Variants in TMC1 observed in about 807,000 individuals in gnomAD.
TMC1 encodes transmembrane channel-like protein 1.
A neutral mutation model predicts 105.8 loss-of-function variants in TMC1; 84 were observed. That is an observed-to-expected ratio of 0.79 (90% CI 0.67 to 0.95). The LOEUF is 0.95. TMC1 is among the 40% of genes least tolerant of loss of function. The pLI, the probability that TMC1 is intolerant of heterozygous loss-of-function variation, is 0.00. For synonymous variants in TMC1, 315 were observed against 311.5 expected, an observed-to-expected ratio of 1.01 and a Z score of -0.12; for missense variants, 817 against 914.1, an observed-to-expected ratio of 0.89 and a Z score of 1.37.
chr9:72,630,166 T>G (rs552500683), intron 4 of TMC1, among the ~76,000 whole-genome samples: 65 of 152,100 alleles, frequency 4.3e-4, no homozygotes, highest in Non-Finnish European at 7.8e-4. Flanking sequence ...ACGCCTGGCC[T>G]GGGGTGTCCA....
At chr9:72,595,673 C>CTT (rs71357596) in intron 2 of TMC1, among the ~76,000 whole-genome samples, 14 of 124,080 alleles carry the variant, frequency 1.1e-4, no homozygotes, top group South Asian at 5.2e-4. Context: ...CAACTCTCAA[C>CTT]TTTTTTTTTT....
At chr9:72,621,630 C>T (rs1190131483) in intron 3 of TMC1, among the ~76,000 whole-genome samples, 1 of 152,058 alleles carries the variant, frequency 6.6e-6, no homozygotes, top group African/African-American at 2.4e-5. Flanking sequence ...AAAGGCTGTA[C>T]AGCAAATGAG....
At chr9:72,678,654 T>C (rs751527463) in intron 5 of TMC1, among the ~76,000 whole-genome samples, 8 of 152,066 alleles carry the variant, frequency 5.3e-5, no homozygotes, top group Non-Finnish European at 8.8e-5. Flanking sequence ...AGTATGTATA[T>C]ATATATTCTC....
chr9:72,638,841 C>T (rs1320419052), intron 4 of TMC1, among the ~76,000 whole-genome samples: 2 of 152,184 alleles, frequency 1.3e-5, no homozygotes, highest in Admixed American at 1.3e-4. Context: ...AGAAAACATG[C>T]TGCTTTATCT....
chr9:72,682,616 A>G (rs867129707), intron 5 of TMC1, among the ~76,000 whole-genome samples: 2 of 152,140 alleles, frequency 1.3e-5, no homozygotes, highest in African/African-American at 2.4e-5. Context: ...TCTTGGGTAT[A>G]TTTTATTCTA....
chr9:72,824,825 A>G (rs150994553), intron 20 of TMC1, among the ~76,000 whole-genome samples: 260 of 152,330 alleles, frequency 1.7e-3, no homozygotes, highest in African/African-American at 6.0e-3. Flanking sequence ...CAAGTTCTCA[A>G]TCCGGTCTGA....
chr9:72,615,967 C>G (rs575533669), intron 2 of TMC1, among the ~76,000 whole-genome samples: 1 of 151,970 alleles, frequency 6.6e-6, no homozygotes, highest in Non-Finnish European at 1.5e-5. Context: ...AGGCTGGTCT[C>G]GAACTCTTGA....
At chr9:72,586,278 G>A (rs771222689) in intron 2 of TMC1, among the ~76,000 whole-genome samples, 3 of 152,172 alleles carry the variant, frequency 2.0e-5, no homozygotes, top group Admixed American at 6.5e-5. Context: ...AAGTTTGCCC[G>A]ACACAAATGA....
At chr9:72,774,076 A>G (rs1827971119) in intron 13 of TMC1, among the ~76,000 whole-genome samples, 2 of 152,232 alleles carry the variant, frequency 1.3e-5, no homozygotes, top group Non-Finnish European at 2.9e-5. Context: ...CCTATAATTC[A>G]TAGGCTTATT....
At chr9:72,790,830 T>C (rs1828254245) in intron 15 of TMC1, among the ~76,000 whole-genome samples, 1 of 152,180 alleles carries the variant, frequency 6.6e-6, no homozygotes, top group Non-Finnish European at 1.5e-5. Flanking sequence ...TTTTGTATTA[T>C]GTCATGCTGA....
chr9:72,772,703 C>T, intron 13 of TMC1, 148 bp downstream of exon 13: 1 of 1,079,140 alleles, frequency 9.3e-7, no homozygotes, highest in South Asian at 1.3e-5. Context: ...TTAATACCAA[C>T]ACTAATGTTA....
At chr9:72,585,768 G>T (rs1310614271) in intron 2 of TMC1, among the ~76,000 whole-genome samples, 1 of 152,154 alleles carries the variant, frequency 6.6e-6, no homozygotes, top group East Asian at 1.9e-4. Flanking sequence ...GAGTTGACGA[G>T]GAGCCATTGC....
chr9:72,618,806 CAAAG>C (rs1243509429), intron 3 of TMC1, among the ~76,000 whole-genome samples: 2 of 151,860 alleles, frequency 1.3e-5, no homozygotes, highest in African/African-American at 2.4e-5. Flanking sequence ...CAGAGAAAAA[CAAAG>C]AAAAATATAA....
chr9:72,627,550 C>A (rs140491620), intron 3 of TMC1, among the ~76,000 whole-genome samples: 1 of 152,078 alleles, frequency 6.6e-6, no homozygotes, highest in African/African-American at 2.4e-5. Flanking sequence ...GTTTCCTTGC[C>A]GGAGATGCTT....
intron 8 of TMC1, among the ~76,000 whole-genome samples, chr9:72,720,714 A>G (rs1267958343): frequency 6.6e-6 from 1 of 152,216 alleles, no homozygotes; most frequent in African/African-American, 2.4e-5. Context: ...GATGACACCA[A>G]TGGCTGGTCA....
At chr9:72,700,757 C>CAT (rs1554721642) in intron 8 of TMC1, 114 bp downstream of exon 8, 4 of 169,142 alleles carry the variant, frequency 2.4e-5, no homozygotes, top group African/African-American at 1.6e-4. Flanking sequence ...CACACACACA[C>CAT]ACATACACAC....
chr9:72,690,650 T>C (rs1013849359), intron 6 of TMC1, among the ~76,000 whole-genome samples: 15 of 152,180 alleles, frequency 9.9e-5, no homozygotes, highest in Non-Finnish European at 5.9e-5. Context: ...AATATCATCC[T>C]ACTTTCTTCT....
At chr9:72,641,910 C>T (rs977615708) in intron 4 of TMC1, among the ~76,000 whole-genome samples, 3 of 150,542 alleles carry the variant, frequency 2.0e-5, no homozygotes, top group South Asian at 2.1e-4. Context: ...CTCCACCTCC[C>T]GGGTTCAAGT....
At chr9:72,691,372 T>A (rs145603854) in intron 6 of TMC1, among the ~76,000 whole-genome samples, 1 of 152,270 alleles carries the variant, frequency 6.6e-6, no homozygotes, top group Non-Finnish European at 1.5e-5. Flanking sequence ...TGTTTCTTTA[T>A]TTTTCTTGAT....
Sources: allele counts gnomAD v4.1 joint callset (sites outside exome capture counted in the v4.1 genomes callset), GRCh38; gene constraint gnomAD v4.1.1; transcripts MANE v1.5; gene names NCBI Gene and HGNC (gene_info 2026-07-23, HGNC 2026-07-21).